RARB: variants seen among roughly 807,000 people sequenced by gnomAD.
The protein encoded by RARB is retinoic acid receptor beta, also known as HBV-activated protein.
A neutral mutation model predicts 51.9 loss-of-function variants in RARB; 17 were observed. The observed-to-expected ratio is 0.33, with a 90% CI of 0.22 to 0.49. The LOEUF is 0.49. RARB is among the 20% of genes least tolerant of loss of function. RARB has a pLI of 0.99. For synonymous variants in RARB, 215 were observed against 195.4 expected, an observed-to-expected ratio of 1.10 and a Z score of -0.84; for missense variants, 369 against 550.8, an observed-to-expected ratio of 0.67 and a Z score of 3.30.
At chr3:25,178,383 A>T (rs1019058711) in intron 5 of RARB, among the ~76,000 whole-genome samples, 1 of 152,174 alleles carries the variant, frequency 6.6e-6, no homozygotes, top group African/African-American at 2.4e-5. Flanking sequence ...CATTTAGTGT[A>T]TGCCATTCTT....
At chr3:25,093,445 C>T (rs1369811945) in intron 3 of RARB, among the ~76,000 whole-genome samples, 1 of 151,928 alleles carries the variant, frequency 6.6e-6, no homozygotes. Flanking sequence ...AGGCTTGGGC[C>T]AAACTAACTT....
chr3:25,038,548 A>C (rs566682418), intron 2 of RARB, among the ~76,000 whole-genome samples: 1 of 152,114 alleles, frequency 6.6e-6, no homozygotes, highest in Non-Finnish European at 1.5e-5. Flanking sequence ...TTGCTGAAGG[A>C]AGGTGATGAA....
intron 1 of RARB, among the ~76,000 whole-genome samples, chr3:25,441,967 A>T: frequency 6.6e-6 from 1 of 152,180 alleles, no homozygotes; most frequent in Non-Finnish European, 1.5e-5. Flanking sequence ...AGTGCCCTTC[A>T]ATAGAACTTC....
chr3:25,442,261 G>A (rs1708728578), intron 1 of RARB, among the ~76,000 whole-genome samples: 1 of 151,962 alleles, frequency 6.6e-6, no homozygotes, highest in African/African-American at 2.4e-5. Context: ...TCAGCCTCCT[G>A]AGTAGCTGGG....
chr3:24,851,300 A>C (rs1702552237), intron 1 of RARB, among the ~76,000 whole-genome samples: 1 of 151,982 alleles, frequency 6.6e-6, no homozygotes, highest in African/African-American at 2.4e-5. Flanking sequence ...GGTGGTGTGC[A>C]CCTGTAGTCT....
chr3:25,125,696 G>A (rs958153417), intron 3 of RARB, among the ~76,000 whole-genome samples: 4 of 152,136 alleles, frequency 2.6e-5, no homozygotes, highest in African/African-American at 7.2e-5. Context: ...CTTTAAAATT[G>A]TCAATGTGGA....
chr3:25,330,016 GA>G (rs1704844020), intron 5 of RARB, among the ~76,000 whole-genome samples: 3 of 152,144 alleles, frequency 2.0e-5, no homozygotes, highest in Non-Finnish European at 4.4e-5. Context: ...GGGACTATGT[GA>G]AAAGACCAAA....
At chr3:25,549,511 C>G (rs1163438689) in intron 3 of RARB, among the ~76,000 whole-genome samples, 6 of 152,130 alleles carry the variant, frequency 3.9e-5, no homozygotes, top group African/African-American at 1.2e-4. Context: ...CATGAACCAA[C>G]TCGGGGTAGT....
chr3:25,057,080 TAACTC>T (rs772781961), intron 2 of RARB, among the ~76,000 whole-genome samples: 5 of 152,100 alleles, frequency 3.3e-5, no homozygotes, highest in Non-Finnish European at 7.4e-5. Context: ...ATCAGGTAGA[TAACTC>T]AAAGTCTGAG....
chr3:25,302,156 G>T (rs1453374032), intron 5 of RARB, among the ~76,000 whole-genome samples: 2 of 152,184 alleles, frequency 1.3e-5, no homozygotes, highest in Non-Finnish European at 2.9e-5. Context: ...AGGAGAATTT[G>T]GAAGCCTCCT....
At chr3:25,394,917 G>A (rs185016427) in intron 5 of RARB, among the ~76,000 whole-genome samples, 8 of 152,260 alleles carry the variant, frequency 5.3e-5, no homozygotes, top group Admixed American at 1.3e-4. Flanking sequence ...GTATGAAAAC[G>A]TGAGGTACTA....
intron 5 of RARB, among the ~76,000 whole-genome samples, chr3:25,251,545 T>C (rs529025998): frequency 1.3e-5 from 2 of 152,338 alleles, no homozygotes; most frequent in African/African-American, 4.8e-5. Context: ...TTTGTAATTA[T>C]ATCCATCCTA....
At chr3:25,330,997 C>CAAT (rs1297108648) in intron 5 of RARB, among the ~76,000 whole-genome samples, 1 of 152,042 alleles carries the variant, frequency 6.6e-6, no homozygotes, top group African/African-American at 2.4e-5. Context: ...TATATGCACC[C>CAAT]AATACAGGAG....
At chr3:25,174,360 C>T (rs760525811) in exon 5 of RARB, 13 of 1,344,390 alleles carry the variant, frequency 9.7e-6, no homozygotes, top group Admixed American at 1.9e-5. Flanking sequence ...TGATGTGTTC[C>T]TGCTCCAGAG....
chr3:24,887,922 A>T (rs1253301595), intron 2 of RARB, among the ~76,000 whole-genome samples: 1 of 152,124 alleles, frequency 6.6e-6, no homozygotes, highest in African/African-American at 2.4e-5. Flanking sequence ...TTGAGGCAGC[A>T]TAACTCCAGT....
intron 2 of RARB, among the ~76,000 whole-genome samples, chr3:24,881,284 T>A (rs1026165295): frequency 2.6e-5 from 4 of 151,894 alleles, no homozygotes; most frequent in Non-Finnish European, 5.9e-5. Context: ...AGTATCTTTA[T>A]AGCAGTGTCA....
chr3:25,447,506 T>A (rs9822134), intron 1 of RARB, among the ~76,000 whole-genome samples: 1 of 152,132 alleles, frequency 6.6e-6, no homozygotes, highest in African/African-American at 2.4e-5. Context: ...GCTCAATAAA[T>A]GTTTGTCAGC....
At chr3:25,324,884 T>C (rs968475945) in intron 5 of RARB, among the ~76,000 whole-genome samples, 2 of 152,184 alleles carry the variant, frequency 1.3e-5, no homozygotes, top group African/African-American at 2.4e-5. Flanking sequence ...CTGATTCTTC[T>C]TGGGTTGAAG....
chr3:25,540,398 G>C (rs1336012682), intron 3 of RARB, among the ~76,000 whole-genome samples: 1 of 152,208 alleles, frequency 6.6e-6, no homozygotes, highest in Non-Finnish European at 1.5e-5. Flanking sequence ...CTCGGGGTAT[G>C]GTTACCCAAT....
Sources: allele counts gnomAD v4.1 joint callset (sites outside exome capture counted in the v4.1 genomes callset), GRCh38; gene constraint gnomAD v4.1.1; transcripts MANE v1.5; gene names NCBI Gene and HGNC (gene_info 2026-07-23, HGNC 2026-07-21).